The following TBL1Y variants were observed in gnomAD, a reference collection of about 807,000 sequenced individuals.
The protein encoded by TBL1Y is F-box-like/WD repeat-containing protein TBL1Y.
TBL1Y carries 15 observed loss-of-function variants against 12.0 expected under a neutral mutation model. The observed-to-expected ratio is 1.25, with a 90% CI of 0.83 to 1.92. The LOEUF is 1.92. Ranked by LOEUF, TBL1Y falls within the 40% of genes most tolerant of loss-of-function variation. The pLI is 0.00. For missense variants in TBL1Y, 148 were observed against 116.7 expected, an observed-to-expected ratio of 1.27 and a Z score of -1.24; for synonymous variants, 53 against 42.6, an observed-to-expected ratio of 1.24 and a Z score of -0.95.
chrY:7,040,910 G>A, intron 6 of TBL1Y, among the ~76,000 whole-genome samples: 1 of 34,393 alleles, frequency 2.9e-5, no homozygotes, highest in Non-Finnish European at 7.3e-5. Context: ...GTGACTGCAG[G>A]TGTCAGTTCT....
chrY:6,934,190 T>C (rs754352971), intron 2 of TBL1Y, among the ~76,000 whole-genome samples: 25 of 33,354 alleles, frequency 7.5e-4, no homozygotes, highest in African/African-American at 2.9e-3. Flanking sequence ...TTGGCTTCAA[T>C]CTGATGGTCA....
intron 2 of TBL1Y, among the ~76,000 whole-genome samples, chrY:6,966,748 C>T: frequency 3.0e-5 from 1 of 33,342 alleles, no homozygotes; most frequent in Admixed American, 2.7e-4. Flanking sequence ...CTGGGCGTAG[C>T]TTGCCTACCC....
At chrY:7,054,397 C>T (rs965922895) in intron 7 of TBL1Y, among the ~76,000 whole-genome samples, 5 of 33,966 alleles carry the variant, frequency 1.5e-4, no homozygotes, top group Admixed American at 5.3e-4. Flanking sequence ...TCATCTATTA[C>T]CTGAGAGCAC....
chrY:6,964,124 C>A, intron 2 of TBL1Y, among the ~76,000 whole-genome samples: 1 of 33,895 alleles, frequency 3.0e-5, no homozygotes, highest in East Asian at 7.7e-4. Context: ...ATTGCTTGAG[C>A]CAATAGCATT....
intron 6 of TBL1Y, among the ~76,000 whole-genome samples, chrY:7,027,301 C>G (rs2012631358): frequency 3.0e-5 from 1 of 33,381 alleles, no homozygotes; most frequent in African/African-American, 1.2e-4. Flanking sequence ...ACCTCAAGTC[C>G]TGAAGTTTTG....
At chrY:7,023,607 T>C (rs2012595047) in intron 5 of TBL1Y, among the ~76,000 whole-genome samples, 1 of 33,650 alleles carries the variant, frequency 3.0e-5, no homozygotes, top group Non-Finnish European at 7.4e-5. Flanking sequence ...TACTCTGCCA[T>C]TGCATTATGA....
At chrY:7,064,996 G>C in intron 8 of TBL1Y, among the ~76,000 whole-genome samples, 1 of 33,620 alleles carries the variant, frequency 3.0e-5, no homozygotes, top group Non-Finnish European at 7.4e-5. Flanking sequence ...GAAAAGGAGA[G>C]TAAGAGAATA....
chrY:7,029,340 G>A, intron 6 of TBL1Y, among the ~76,000 whole-genome samples: 1 of 33,264 alleles, frequency 3.0e-5, no homozygotes, highest in Non-Finnish European at 7.4e-5. Context: ...TGCTGCGACC[G>A]TGACTTACTG....
At chrY:6,942,345 T>C in intron 2 of TBL1Y, among the ~76,000 whole-genome samples, 1 of 32,356 alleles carries the variant, frequency 3.1e-5, no homozygotes, top group African/African-American at 1.2e-4. Context: ...TAGCAGAACT[T>C]TGACCCCCGG....
At chrY:6,985,272 C>A in intron 3 of TBL1Y, among the ~76,000 whole-genome samples, 1 of 33,923 alleles carries the variant, frequency 2.9e-5, no homozygotes, top group African/African-American at 1.1e-4. Context: ...ACTTCTCTCT[C>A]TGGCTGGCTG....
intron 7 of TBL1Y, among the ~76,000 whole-genome samples, chrY:7,055,599 G>A: frequency 2.4e-4 from 8 of 33,694 alleles, no homozygotes; most frequent in Non-Finnish European, 4.4e-4. Context: ...TTGGTTGATA[G>A]AAGAAGACCC....
intron 7 of TBL1Y, among the ~76,000 whole-genome samples, chrY:7,045,446 G>A: frequency 3.0e-5 from 1 of 33,468 alleles, no homozygotes; most frequent in Admixed American, 2.7e-4. Flanking sequence ...AGTGCGAATC[G>A]ACCTTATGTT....
chrY:7,015,939 AC>A (rs2012546551), intron 4 of TBL1Y, among the ~76,000 whole-genome samples: 1 of 33,173 alleles, frequency 3.0e-5, no homozygotes. Flanking sequence ...GCAAATCATT[AC>A]CCCCATTTGA....
chrY:6,921,530 A>G, intron 2 of TBL1Y, among the ~76,000 whole-genome samples: 1 of 32,651 alleles, frequency 3.1e-5, no homozygotes, highest in Non-Finnish European at 7.5e-5. Context: ...AGAAAATATG[A>G]GAGTTTTGTC....
chrY:6,976,650 G>T (rs2012243078), intron 2 of TBL1Y, among the ~76,000 whole-genome samples: 1 of 33,582 alleles, frequency 3.0e-5, no homozygotes, highest in Non-Finnish European at 7.4e-5. Flanking sequence ...TCATGACAAA[G>T]ACAATTCTAG....
At chrY:6,977,599 G>A (rs954598809) in intron 2 of TBL1Y, among the ~76,000 whole-genome samples, 26 of 33,112 alleles carry the variant, frequency 7.9e-4, no homozygotes, top group Middle Eastern at 0.014. Flanking sequence ...TCATCATTAG[G>A]ACATTTGACA....
intron 3 of TBL1Y, among the ~76,000 whole-genome samples, chrY:6,988,818 G>A: frequency 2.1e-4 from 7 of 33,148 alleles, no homozygotes; most frequent in African/African-American, 8.3e-4. Flanking sequence ...CATGCATGGT[G>A]TATGGAATGT....
intron 6 of TBL1Y, among the ~76,000 whole-genome samples, chrY:7,035,119 G>GA (rs35319061): frequency 6.4e-5 from 2 of 31,220 alleles, no homozygotes; most frequent in Non-Finnish European, 1.6e-4. Context: ...AAATTTACAA[G>GA]AAAAAAAAAT....
At chrY:6,935,109 A>G in intron 2 of TBL1Y, among the ~76,000 whole-genome samples, 1 of 30,000 alleles carries the variant, frequency 3.3e-5, no homozygotes, top group African/African-American at 1.3e-4. Flanking sequence ...CTTAAGGGAG[A>G]TCCTCCTGCC....
Sources: allele counts gnomAD v4.1 joint callset (sites outside exome capture counted in the v4.1 genomes callset), GRCh38; gene constraint gnomAD v4.1.1; transcripts MANE v1.5; gene names NCBI Gene and HGNC (gene_info 2026-07-23, HGNC 2026-07-21).